Variants in PRDM11 observed in about 807,000 individuals in gnomAD.
The protein encoded by PRDM11 is PR/SET domain 11.
Under a neutral mutation model 97.8 loss-of-function variants are expected in PRDM11, and 20 were observed. The observed-to-expected ratio is 0.20, with a 90% CI of 0.14 to 0.30. PRDM11 has a LOEUF of 0.30. Among genes scored for constraint, PRDM11 ranks in the 10% least tolerant of loss-of-function variants. The pLI, the probability that PRDM11 is intolerant of heterozygous loss-of-function variation, is 1.00. For missense variants in PRDM11, 1,139 were observed against 1,555.2 expected, an observed-to-expected ratio of 0.73 and a Z score of 4.50; for synonymous variants, 599 against 637.7, an observed-to-expected ratio of 0.94 and a Z score of 0.91.
chr11:45,206,579 C>T (rs1489961026), intron 5 of PRDM11, among the ~76,000 whole-genome samples: 1 of 152,230 alleles, frequency 6.6e-6, no homozygotes, highest in Non-Finnish European at 1.5e-5. Flanking sequence ...TCCACTCTTT[C>T]ACCCATCTCT....
At chr11:45,104,201 G>T (rs1852024033) in intron 1 of PRDM11, among the ~76,000 whole-genome samples, 2 of 152,242 alleles carry the variant, frequency 1.3e-5, no homozygotes, top group Non-Finnish European at 2.9e-5. Context: ...TTGTCCACTT[G>T]TTCCCAGGAG....
chr11:45,190,789 TAAA>T (rs1301437874), intron 4 of PRDM11, among the ~76,000 whole-genome samples: 2 of 152,118 alleles, frequency 1.3e-5, no homozygotes, highest in Non-Finnish European at 2.9e-5. Context: ...GTCATAGAAA[TAAA>T]ATTACATAAA....
At chr11:45,215,707 A>G (rs1853937615) in intron 5 of PRDM11, 1 of 152,256 alleles carries the variant, frequency 6.6e-6, no homozygotes. Flanking sequence ...GACAGAAATG[A>G]ATTGGAAGAG....
chr11:45,118,904 G>A (rs1852360809), intron 1 of PRDM11, among the ~76,000 whole-genome samples: 1 of 152,210 alleles, frequency 6.6e-6, no homozygotes, highest in African/African-American at 2.4e-5. Context: ...AAGGAAAAGA[G>A]CTGTCAGAGT....
chr11:45,169,451 CACTT>C (rs1852148170), intron 1 of PRDM11, among the ~76,000 whole-genome samples: 1 of 152,234 alleles, frequency 6.6e-6, no homozygotes, highest in Non-Finnish European at 1.5e-5. Context: ...TTATATAACA[CACTT>C]ACCGCTTACT....
chr11:45,101,070 A>G (rs774789249), intron 1 of PRDM11, among the ~76,000 whole-genome samples: 20 of 152,054 alleles, frequency 1.3e-4, no homozygotes, highest in Non-Finnish European at 2.9e-4. Context: ...GATTAATAGG[A>G]CTTTAGCCAG....
At chr11:45,218,808 G>A (rs139201228) in intron 5 of PRDM11, among the ~76,000 whole-genome samples, 8 of 152,344 alleles carry the variant, frequency 5.3e-5, no homozygotes, top group East Asian at 1.9e-4. Flanking sequence ...GGTTTTCTGG[G>A]CATTGCCGAG....
intron 5 of PRDM11, among the ~76,000 whole-genome samples, chr11:45,205,689 CT>C (rs1255212142): frequency 2.6e-5 from 4 of 152,168 alleles, no homozygotes; most frequent in African/African-American, 9.7e-5. Flanking sequence ...GAGAGGGCAA[CT>C]TCCTAAAAAG....
intron 2 of PRDM11, 136 bp from the exon 3 acceptor site, chr11:45,182,110 C>A: frequency 1.3e-6 from 1 of 790,270 alleles, no homozygotes; most frequent in Non-Finnish European, 2.0e-6. Flanking sequence ...CTGCACTGAA[C>A]AGCAGGCTGG....
rs72446887 is a variant in PRDM11, at chr11:45,228,240, A to ATATATTATAT, written c.*102_*111dup. 13 of 227,144 alleles carry ATATATTATAT rather than the reference A, an allele frequency of 5.7e-5. No homozygotes were observed. In the East Asian group the frequency reaches 6.8e-4, roughly 12 times the overall value. The allele number at this position is 227,144 out of a possible 1,614,324, so 14.1% of individuals were successfully genotyped here. On this transcript the variant is annotated 3_prime_UTR_variant, in exon 8 of 8. Transcript: ENST00000683152. ...ATAAGCTTTGATATATTATATAAAT[A>ATATATTATAT]TATATTATATTATATTATATTATAT...
At chr11:45,206,257 C>T (rs1258612431) in intron 5 of PRDM11, among the ~76,000 whole-genome samples, 2 of 152,188 alleles carry the variant, frequency 1.3e-5, no homozygotes, top group Non-Finnish European at 2.9e-5. Flanking sequence ...ACAGAGGTGA[C>T]TTTCCAGTGT....
At chr11:45,153,160 C>G (rs1851702085) in intron 1 of PRDM11, among the ~76,000 whole-genome samples, 2 of 152,220 alleles carry the variant, frequency 1.3e-5, no homozygotes, top group South Asian at 4.1e-4. Flanking sequence ...CCAGTTGTTT[C>G]CCCGAGTGTG....
chr11:45,108,851 T>G (rs991717315), intron 1 of PRDM11, among the ~76,000 whole-genome samples: 5 of 152,274 alleles, frequency 3.3e-5, no homozygotes, highest in African/African-American at 7.2e-5. Flanking sequence ...CCAGGCAGCC[T>G]GCCTGAAGCA....
intron 1 of PRDM11, chr11:45,147,291 C>A (rs1022094344): frequency 6.6e-6 from 1 of 150,758 alleles, no homozygotes; most frequent in African/African-American, 2.5e-5. Flanking sequence ...GTGACACGGA[C>A]GGGGCGGGGC....
chr11:45,155,939 T>C (rs1423798439), intron 1 of PRDM11, among the ~76,000 whole-genome samples: 5 of 152,064 alleles, frequency 3.3e-5, no homozygotes, highest in Non-Finnish European at 5.9e-5. Flanking sequence ...GCTAGTGTTA[T>C]TAGGTGCAGT....
intron 1 of PRDM11, among the ~76,000 whole-genome samples, chr11:45,170,960 A>G (rs1169435792): frequency 6.6e-6 from 1 of 152,156 alleles, no homozygotes; most frequent in Non-Finnish European, 1.5e-5. Flanking sequence ...ATCCCCCTCC[A>G]TGGGTACATT....
chr11:45,106,145 G>C (rs1852057568), intron 1 of PRDM11, among the ~76,000 whole-genome samples: 1 of 152,242 alleles, frequency 6.6e-6, no homozygotes, highest in Non-Finnish European at 1.5e-5. Context: ...CCAGAGGGAA[G>C]GAAAGGGCCT....
intron 5 of PRDM11, among the ~76,000 whole-genome samples, chr11:45,206,198 ACCCCATG>A (rs1156559615): frequency 6.6e-6 from 1 of 151,772 alleles, no homozygotes; most frequent in African/African-American, 2.4e-5. Flanking sequence ...GCCCCACCAC[ACCCCATG>A]CCCCACCCCC....
At chr11:45,162,061 G>A (rs779833145) in intron 1 of PRDM11, among the ~76,000 whole-genome samples, 4 of 152,220 alleles carry the variant, frequency 2.6e-5, no homozygotes, top group Non-Finnish European at 4.4e-5. Flanking sequence ...GGGCAGTGGC[G>A]TGTGTGTTCA....
Sources: allele counts gnomAD v4.1 joint callset (sites outside exome capture counted in the v4.1 genomes callset), GRCh38; gene constraint gnomAD v4.1.1; transcripts MANE v1.5; gene names NCBI Gene and HGNC (gene_info 2026-07-23, HGNC 2026-07-21).